The following ALK variants were observed in gnomAD, a reference collection of about 807,000 sequenced individuals.
The protein encoded by ALK is ALK receptor tyrosine kinase.
Under a neutral mutation model 163.1 loss-of-function variants are expected in ALK, and 74 were observed. The ratio of observed to expected loss-of-function variants is 0.45; its 90% CI spans 0.38 to 0.55. The LOEUF (loss-of-function observed/expected upper bound fraction) is 0.55. Among genes scored for constraint, ALK ranks in the 20% least tolerant of loss-of-function variants. The pLI is 0.00. For missense variants in ALK, 2,063 were observed against 2,105.3 expected (o/e 0.98, Z 0.39); for synonymous variants, 960 against 843.2 (o/e 1.14, Z -2.40).
intron 3 of ALK, among the ~76,000 whole-genome samples, chr2:29,551,743 T>C (rs1231869519): frequency 6.6e-6 from 1 of 152,060 alleles, no homozygotes; most frequent in Non-Finnish European, 1.5e-5. Context: ...CTTGAGAAAA[T>C]TCACCAAAAT....
At chr2:29,865,670 G>C (rs1447678611) in intron 1 of ALK, among the ~76,000 whole-genome samples, 5 of 152,156 alleles carry the variant, frequency 3.3e-5, no homozygotes, top group African/African-American at 4.8e-5. Context: ...ATGCGGTTGG[G>C]GATTGTGTTG....
At chr2:29,904,885 T>C (rs1220887377) in intron 1 of ALK, among the ~76,000 whole-genome samples, 1 of 152,200 alleles carries the variant, frequency 6.6e-6, no homozygotes, top group Admixed American at 6.5e-5. Flanking sequence ...TGAGGTTGAG[T>C]AGAGAATTAC....
At chr2:29,768,713 CTGTGTGTG>C (rs1553359129) in intron 1 of ALK, among the ~76,000 whole-genome samples, 84 of 142,954 alleles carry the variant, frequency 5.9e-4, no homozygotes, top group African/African-American at 1.9e-3. Flanking sequence ...TTATATATGT[CTGTGTGTG>C]TGTGTGTGTG....
intron 3 of ALK, among the ~76,000 whole-genome samples, chr2:29,623,584 C>T (rs1459091218): frequency 1.3e-5 from 2 of 152,120 alleles, no homozygotes; most frequent in African/African-American, 2.4e-5. Flanking sequence ...GGTAGAAGCA[C>T]AGAGAGAGTA....
At chr2:29,628,818 CTG>C (rs928485467) in intron 3 of ALK, among the ~76,000 whole-genome samples, 28 of 152,074 alleles carry the variant, frequency 1.8e-4, no homozygotes, top group Admixed American at 1.4e-3. Context: ...ATAGACAACT[CTG>C]TAAGAAAAAA....
intron 3 of ALK, among the ~76,000 whole-genome samples, chr2:29,656,641 T>A (rs1005873040): frequency 1.3e-5 from 2 of 152,156 alleles, no homozygotes; most frequent in Non-Finnish European, 2.9e-5. Context: ...ACAAGGAACC[T>A]GAAACACAAA....
chr2:29,555,366 G>A (rs552924076), intron 3 of ALK, among the ~76,000 whole-genome samples: 1 of 146,760 alleles, frequency 6.8e-6, no homozygotes, highest in African/African-American at 2.6e-5. Flanking sequence ...GCTGCTGTGG[G>A]CATTTGAGTT....
At position 29,805,781 on chromosome 2, in the gene ALK, G is replaced by A. The variant is rs566551930; in HGVS notation, c.668-88084C>T. ...AGGTTGATTCCATGTCTTGGCTATT[G>A]TGAATAATGGGGAGCACTTTTTAAT... On this transcript the variant is annotated intron_variant, in intron 1 of 28. Transcript: ENST00000389048. Among the ~76,000 whole-genome samples the A allele has an allele frequency of 4.6e-5, 7 of 152,278 alleles. No homozygotes were observed. In the East Asian group the frequency reaches 1.3e-3, roughly 29 times the overall value.
chr2:29,494,972 CAT>C (rs1417644343), intron 4 of ALK, among the ~76,000 whole-genome samples: 2 of 152,022 alleles, frequency 1.3e-5, no homozygotes, highest in Non-Finnish European at 2.9e-5. Flanking sequence ...TCATTCAAAA[CAT>C]AGATATCGCT....
chr2:29,576,327 C>T (rs559827298), intron 3 of ALK, among the ~76,000 whole-genome samples: 1 of 152,364 alleles, frequency 6.6e-6, no homozygotes, highest in African/African-American at 2.4e-5. Flanking sequence ...CCTCTCCTTC[C>T]TGCCTCCTCT....
At chr2:29,837,494 A>G (rs541665342) in intron 1 of ALK, among the ~76,000 whole-genome samples, 1 of 152,332 alleles carries the variant, frequency 6.6e-6, no homozygotes. Flanking sequence ...AAAAATTACC[A>G]AAGATAATTG....
At chr2:29,642,774 C>A (rs1676742199) in intron 3 of ALK, among the ~76,000 whole-genome samples, 1 of 152,256 alleles carries the variant, frequency 6.6e-6, no homozygotes, top group Non-Finnish European at 1.5e-5. Flanking sequence ...TAATTTCTTC[C>A]ATTAGTACTA....
chr2:29,376,617 C>T (rs1668759260), intron 5 of ALK, among the ~76,000 whole-genome samples: 1 of 152,222 alleles, frequency 6.6e-6, no homozygotes, highest in Admixed American at 6.5e-5. Flanking sequence ...ACAGAGTTTG[C>T]TGCTGGCAGC....
intron 3 of ALK, among the ~76,000 whole-genome samples, chr2:29,575,457 C>T (rs1324745943): frequency 6.6e-6 from 1 of 152,134 alleles, no homozygotes; most frequent in Non-Finnish European, 1.5e-5. Flanking sequence ...CCCCACCTGA[C>T]CCAGTCTCCT....
chr2:29,676,558 T>C (rs1212431701), intron 3 of ALK, among the ~76,000 whole-genome samples: 1 of 152,056 alleles, frequency 6.6e-6, no homozygotes, highest in Admixed American at 6.6e-5. Flanking sequence ...TCTTCATTAC[T>C]TTGGCTTTAT....
At chr2:29,251,683 G>A (rs981624582) in intron 11 of ALK, among the ~76,000 whole-genome samples, 2 of 152,328 alleles carry the variant, frequency 1.3e-5, no homozygotes, top group East Asian at 1.9e-4. Context: ...GTCTCTCACC[G>A]AGCCTAGCAC....
chr2:29,388,885 C>G (rs72792434), intron 4 of ALK, among the ~76,000 whole-genome samples: 9,108 of 152,146 alleles, frequency 0.06, 549 homozygotes, highest in East Asian at 0.32. Flanking sequence ...AATACAACCC[C>G]AAGAAATTAT....
At chr2:29,810,573 G>T (rs370149058) in intron 1 of ALK, among the ~76,000 whole-genome samples, 1 of 152,124 alleles carries the variant, frequency 6.6e-6, no homozygotes, top group Admixed American at 6.6e-5. Context: ...GAAGAGATCA[G>T]GGGCAGAGTC....
In ALK at chr2:29,864,104, T is replaced by C. The variant is rs531046149; in HGVS notation, c.667+55889A>G. The stretch of plus-strand genomic sequence containing the variant: ...CTAGAAAACTGAGGCACAGAGTGGT[T>C]ACCTGCTTGTCTGAGATCATCCAGC... On this transcript the variant is annotated intron_variant, in intron 1 of 28. Transcript: ENST00000389048. 1.7e-3 allele frequency among the ~76,000 whole-genome samples: 260 copies of C among 152,214 alleles called. 1 individual carries two copies. Among genetic ancestry groups the C allele is most frequent in the Non-Finnish European group, 2.9e-3 (196 of 68,032 alleles).
Sources: allele counts gnomAD v4.1 joint callset (sites outside exome capture counted in the v4.1 genomes callset), GRCh38; gene constraint gnomAD v4.1.1; transcripts MANE v1.5; gene names NCBI Gene and HGNC (gene_info 2026-07-23, HGNC 2026-07-21).